Variants in PDIA5 observed in about 807,000 individuals in gnomAD.
PDIA5 encodes the protein protein disulfide isomerase family A member 5, also known as protein disulfide-isomerase A5.
PDIA5 carries 58 observed loss-of-function variants against 77.6 expected under a neutral mutation model. The ratio of observed to expected loss-of-function variants is 0.75; its 90% confidence interval spans 0.61 to 0.93. PDIA5 has a LOEUF of 0.93. Ranked by LOEUF, PDIA5 falls within the 40% of genes least tolerant of loss-of-function variation. The pLI, the probability that PDIA5 is intolerant of heterozygous loss-of-function variation, is 0.00. For synonymous variants in PDIA5, 250 were observed against 252.1 expected (o/e 0.99, Z 0.08); for missense variants, 630 against 647.7 (o/e 0.97, Z 0.30).
chr3:123,102,413 A>G lies in PDIA5; in HGVS notation c.260A>G (p.Asp87Gly). The G allele has an allele frequency of 6.2e-7, 1 of 1,612,942 alleles. No individual in the cohort carries two copies. Among genetic ancestry groups the G allele is most frequent in the Non-Finnish European group, 8.5e-7 (1 of 1,178,866 alleles). The change falls in exon 4 of 17, where the codon GAT (aspartate) becomes GGT (glycine). Residue 87 changes from aspartate (D) to glycine (G), a missense_variant and splice_region_variant. Transcript: ENST00000316218. ...TTCCCAACATTTGTGTCTTCCAGTG[A>G]TGCAGAGAGTAGAAAATTGTGCAAG... is the stretch of plus-strand genomic sequence containing the variant. Reference protein sequence around the residue: ...QGTICWVDCGDAESRKLCKKM... With the variant: ...QGTICWVDCGGAESRKLCKKM...
At chr3:123,137,300 T>C (rs1041721757) in intron 11 of PDIA5, among the ~76,000 whole-genome samples, 2 of 152,242 alleles carry the variant, frequency 1.3e-5, no homozygotes, top group Non-Finnish European at 2.9e-5. Flanking sequence ...TAATCAGCTT[T>C]TCATGTTTCT....
intron 11 of PDIA5, among the ~76,000 whole-genome samples, chr3:123,131,285 T>A (rs1392871027): frequency 6.6e-6 from 1 of 151,792 alleles, no homozygotes; most frequent in Non-Finnish European, 1.5e-5. Flanking sequence ...CCGGGCGTGG[T>A]GGCGTGCACC....
chr3:123,161,177 G>A (rs929227391), intron 15 of PDIA5, 144 bp from the exon 16 acceptor site: 15 of 784,408 alleles, frequency 1.9e-5, no homozygotes, highest in Middle Eastern at 7.8e-4. Context: ...TGAGCTGGGG[G>A]TGCTTTGGTT....
chr3:123,161,919 G>A lies in PDIA5; in HGVS notation c.1519G>A (p.Gly507Arg). The A allele has an allele frequency of 6.2e-7, 1 of 1,607,064 alleles. No individual in the cohort carries two copies. Among genetic ancestry groups the A allele is most frequent in the Non-Finnish European group, 8.5e-7 (1 of 1,173,844 alleles). Residue 507 changes from glycine (G) to arginine (R), a missense_variant, in exon 17 of 17, where the codon GGA (glycine) becomes AGA (arginine). Gly to Arg is a moderately radical substitution (Grantham distance 125). Transcript: ENST00000316218. ...CAATTATATTCGAGCCCTCCGGGAG[G>A]GAGACCATGAAAGACTAGGGAAAAA... The part of the protein sequence containing the change: ...FTNYIRALRE[G>R]DHERLGKKKE...
rs756056492 is a variant in PDIA5 at position 123,124,075 on chromosome 3, G to A, written c.619G>A (p.Gly207Arg). 3.8e-5 allele frequency: 62 copies of A among 1,613,250 alleles called. No individual in the cohort carries two copies. The highest frequency in any genetic ancestry group is 5.1e-5 in the Non-Finnish European group (60 of 1,179,312). Residue 207 changes from glycine to arginine, a missense_variant, in exon 9 of 17, where the codon GGG becomes AGG. Physicochemically the swap from Gly to Arg is moderately radical, Grantham distance 125. Transcript: ENST00000316218. ...CTCCGCTTCCTCCCAGGTGCTGGCC[G>A]GGATGAATGTCTACTCCTCTGAATT... The part of the protein sequence containing the change: ...TQLRGHAVLA[G>R]MNVYSSEFEN...
intron 10 of PDIA5, among the ~76,000 whole-genome samples, chr3:123,130,095 A>G (rs913200382): frequency 6.6e-6 from 1 of 152,120 alleles, no homozygotes; most frequent in African/African-American, 2.4e-5. Context: ...AGCTTTTCCA[A>G]AGGTCACCAT....
In PDIA5 at chr3:123,116,299, G is replaced by GT. The variant is rs1560527717; in HGVS notation, c.609+2dup. The GT allele has an allele frequency of 6.2e-7, 1 of 1,606,548 alleles. No individual in the cohort carries two copies. Among genetic ancestry groups the GT allele is most frequent in the Admixed American group, 1.7e-5 (1 of 59,892 alleles). On this transcript the variant is annotated splice_donor_variant, in intron 8 of 16. Transcript: ENST00000316218. LOFTEE classifies it high-confidence loss of function. ...TGCGACTCAGCTGCGAGGCCACGCC[G>GT]TAAGTGAGGCGCCATTGCCTGGCAG...
At position 123,119,553 on chromosome 3, in the gene PDIA5, G is replaced by A. The variant is rs374205816; in HGVS notation, c.609+3255G>A. On this transcript the variant is annotated intron_variant, in intron 8 of 16. Coordinates refer to ENST00000316218, the MANE Select transcript of PDIA5 (RefSeq NM_006810.4). ...TTTCCCAGCTACATAAAGAGGGAAG[G>A]GCCCTGGCCGCTGCACGCATCACCC... Among the ~76,000 whole-genome samples, 21 of 152,310 alleles carry A rather than the reference G, an allele frequency of 1.4e-4. No homozygotes were observed. In the East Asian group the frequency reaches 2.5e-3, roughly 18 times the overall value.
At chr3:123,129,688 C>T (rs1935328664) in intron 10 of PDIA5, among the ~76,000 whole-genome samples, 1 of 152,172 alleles carries the variant, frequency 6.6e-6, no homozygotes, top group Admixed American at 6.5e-5. Context: ...CAAGGGAGGG[C>T]CCCTGCGAGC....
At chr3:123,069,434 G>A (rs1412945084) in intron 1 of PDIA5, among the ~76,000 whole-genome samples, 1 of 152,174 alleles carries the variant, frequency 6.6e-6, no homozygotes, top group Non-Finnish European at 1.5e-5. Context: ...TCCATATCAT[G>A]GAAAGTGATA....
At chr3:123,151,637 G>A (rs956147770) in intron 14 of PDIA5, among the ~76,000 whole-genome samples, 3 of 152,206 alleles carry the variant, frequency 2.0e-5, no homozygotes, top group Admixed American at 6.5e-5. Context: ...CCGCCACCCT[G>A]ACCCTGGCTG....
At chr3:123,115,853 G>C (rs1157174488) in intron 7 of PDIA5, among the ~76,000 whole-genome samples, 1 of 152,242 alleles carries the variant, frequency 6.6e-6, no homozygotes, top group African/African-American at 2.4e-5. Flanking sequence ...GTGAGGGGTG[G>C]CCTTTTGCTG....
chr3:123,129,689 C>T (rs1183599062), intron 10 of PDIA5, among the ~76,000 whole-genome samples: 2 of 152,170 alleles, frequency 1.3e-5, no homozygotes, highest in African/African-American at 2.4e-5. Flanking sequence ...AAGGGAGGGC[C>T]CCTGCGAGCC....
intron 8 of PDIA5, among the ~76,000 whole-genome samples, chr3:123,116,921 G>C (rs1935009956): frequency 6.6e-6 from 1 of 151,456 alleles, no homozygotes; most frequent in African/African-American, 2.4e-5. Flanking sequence ...CACCTCTACA[G>C]GAGGAGGAAG....
chr3:123,096,395 C>T lies in PDIA5; in HGVS notation c.257+3953C>T, dbSNP rs145685718. ...ATAGAGACCAGGTTTTGCCATGTTG[C>T]CCCGGCTGGTCTTGGACTCCTGGGC... On this transcript the variant is annotated intron_variant, in intron 3 of 16. Coordinates refer to ENST00000316218, the MANE Select transcript of PDIA5 (RefSeq NM_006810.4). 4.9e-3 allele frequency among the ~76,000 whole-genome samples: 739 copies of T among 152,144 alleles called. 10 individuals are homozygous for T. Among genetic ancestry groups the T allele is most frequent in the African/African-American group, 0.017 (709 of 41,488 alleles).
rs552579306 is a variant in PDIA5 at position 123,103,522 on chromosome 3, T to C, written c.387+726T>C. ...TCCCACACGGGGTTGGACCCTGTGC[T>C]CCTGTCTCTTCATCTGTCCCTCTTT... is the stretch of plus-strand genomic sequence containing the variant. On this transcript the variant is annotated intron_variant, in intron 5 of 16. Transcript: ENST00000316218. Among the ~76,000 whole-genome samples, 78 of 152,298 alleles carry C rather than the reference T, an allele frequency of 5.1e-4. 1 individual carries two copies. The highest frequency in any genetic ancestry group is 5.9e-4 in the Admixed American group (9 of 15,300).
intron 8 of PDIA5, among the ~76,000 whole-genome samples, chr3:123,116,682 G>A (rs1349995576): frequency 6.6e-6 from 1 of 152,328 alleles, no homozygotes; most frequent in East Asian, 1.9e-4. Context: ...AGAAGAGGGT[G>A]TGATGACCTT....
chr3:123,150,210 C>T (rs943379120), intron 13 of PDIA5, 24 bp from the exon 14 acceptor site: 2 of 1,591,312 alleles, frequency 1.3e-6, no homozygotes, highest in Non-Finnish European at 1.7e-6. Flanking sequence ...ATGGCTGCCT[C>T]CCCACTCCCC....
chr3:123,096,643 C>G (rs1934449115), intron 3 of PDIA5, among the ~76,000 whole-genome samples: 1 of 152,182 alleles, frequency 6.6e-6, no homozygotes, highest in Non-Finnish European at 1.5e-5. Context: ...GGTTTTCTCC[C>G]CGGTCCAGGC....
Sources: allele counts gnomAD v4.1 joint callset (sites outside exome capture counted in the v4.1 genomes callset), GRCh38; gene constraint gnomAD v4.1.1; transcripts MANE v1.5; gene names NCBI Gene and HGNC (gene_info 2026-07-23, HGNC 2026-07-21).